PTK2B: variants seen among roughly 807,000 people sequenced by gnomAD.
The protein encoded by PTK2B is protein tyrosine kinase 2 beta, also known as protein-tyrosine kinase 2-beta.
A neutral mutation model predicts 142.9 loss-of-function variants in PTK2B; 71 were observed. That is an observed-to-expected ratio of 0.50 (90% CI 0.41 to 0.61). PTK2B has a LOEUF of 0.61. PTK2B is among the 20% of genes least tolerant of loss of function. The pLI is 0.00. For missense variants in PTK2B, 1,105 were observed against 1,320.4 expected (o/e 0.84, Z 2.53); for synonymous variants, 519 against 503.4 (o/e 1.03, Z -0.42).
intron 1 of PTK2B, among the ~76,000 whole-genome samples, chr8:27,350,204 G>A (rs867691546): frequency 6.6e-6 from 1 of 152,202 alleles, no homozygotes; most frequent in African/African-American, 2.4e-5. Flanking sequence ...AAAGACAGTG[G>A]AATTTGCAAA....
At chr8:27,431,107 C>T in intron 8 of PTK2B, 91 bp downstream of exon 8, 7 of 1,528,626 alleles carry the variant, frequency 4.6e-6, no homozygotes, top group South Asian at 1.2e-5. Flanking sequence ...AGGCTGCAAT[C>T]GCTGCAGATT....
At chr8:27,374,946 T>C (rs2130990514) in intron 1 of PTK2B, among the ~76,000 whole-genome samples, 1 of 152,292 alleles carries the variant, frequency 6.6e-6, no homozygotes, top group Non-Finnish European at 1.5e-5. Context: ...TCTAATAGCA[T>C]AGTGAGCTGG....
At chr8:27,311,014 G>A (rs753776869), upstream of PTK2B, 8 of 1,610,156 alleles carry the variant, frequency 5.0e-6, no homozygotes, top group Middle Eastern at 1.7e-4. Context: ...GGTTGTTGAG[G>A]GTGTGGTTGG....
At chr8:27,373,847 C>G (rs1490548779) in intron 1 of PTK2B, among the ~76,000 whole-genome samples, 1 of 151,872 alleles carries the variant, frequency 6.6e-6, no homozygotes, top group Non-Finnish European at 1.5e-5. Context: ...ATGGGATCTT[C>G]TAGAGCCACA....
intron 2 of PTK2B, among the ~76,000 whole-genome samples, chr8:27,404,041 A>T (rs1206129080): frequency 3.3e-5 from 2 of 60,842 alleles, no homozygotes; most frequent in African/African-American, 5.4e-5. Flanking sequence ...TCTCATCCCC[A>T]GTTTCTATAC....
chr8:27,328,579 C>T (rs1803554430), intron 1 of PTK2B, among the ~76,000 whole-genome samples: 1 of 152,156 alleles, frequency 6.6e-6, no homozygotes, highest in African/African-American at 2.4e-5. Context: ...ATTGTTTGCC[C>T]AGGTGGTGTT....
At chr8:27,420,542 G>A in intron 3 of PTK2B, 115 bp from the exon 4 acceptor site, 1 of 973,124 alleles carries the variant, frequency 1.0e-6, no homozygotes, top group Non-Finnish European at 1.6e-6. Context: ...CGAGACTCAT[G>A]GGCAGCCCTT....
intron 1 of PTK2B, among the ~76,000 whole-genome samples, chr8:27,333,709 A>G (rs1446992882): frequency 2.0e-5 from 3 of 151,890 alleles, no homozygotes; most frequent in Non-Finnish European, 4.4e-5. Context: ...CCCCTCTGCT[A>G]GGAGTGTGTT....
At chr8:27,372,010 G>A (rs964750598) in intron 1 of PTK2B, among the ~76,000 whole-genome samples, 8 of 152,198 alleles carry the variant, frequency 5.3e-5, no homozygotes, top group African/African-American at 1.9e-4. Flanking sequence ...AGGGGAACAG[G>A]GTGTTATGTG....
intron 1 of PTK2B, among the ~76,000 whole-genome samples, chr8:27,352,868 G>A (rs1252948374): frequency 1.3e-5 from 2 of 152,136 alleles, no homozygotes; most frequent in Non-Finnish European, 2.9e-5. Flanking sequence ...CCTTTCTTTT[G>A]TAAATTGCCC....
At chr8:27,378,599 A>G (rs535955002) in intron 1 of PTK2B, among the ~76,000 whole-genome samples, 4 of 123,650 alleles carry the variant, frequency 3.2e-5, no homozygotes, top group South Asian at 2.8e-4. Flanking sequence ...CTTACAGCTT[A>G]TCTGTGTGTG....
intron 1 of PTK2B, among the ~76,000 whole-genome samples, chr8:27,347,692 C>A (rs899464601): frequency 6.6e-6 from 1 of 152,098 alleles, no homozygotes; most frequent in Admixed American, 6.5e-5. Context: ...CTTTAAAGAC[C>A]CCATCTCTAA....
upstream of PTK2B, among the ~76,000 whole-genome samples, chr8:27,320,980 CTTTTTTTTTTTTTTTTT>C (rs776395346): frequency 1.5e-4 from 6 of 39,398 alleles, no homozygotes; most frequent in African/African-American, 4.1e-4. Context: ...ATACAAAAGG[CTTTTTTTTTTTTTTTTT>C]TTTTTTTTTT....
At chr8:27,364,056 C>A (rs1334709135) in intron 1 of PTK2B, among the ~76,000 whole-genome samples, 1 of 152,194 alleles carries the variant, frequency 6.6e-6, no homozygotes, top group African/African-American at 2.4e-5. Flanking sequence ...GGCAAGGAGT[C>A]CTCACAACAG....
chr8:27,396,706 T>C (rs1333940993), intron 1 of PTK2B, among the ~76,000 whole-genome samples: 1 of 152,216 alleles, frequency 6.6e-6, no homozygotes, highest in African/African-American at 2.4e-5. Context: ...CCTACTCTAC[T>C]GAGTTGTATT....
upstream of PTK2B, among the ~76,000 whole-genome samples, chr8:27,325,035 C>G (rs1174792111): frequency 6.6e-6 from 1 of 152,150 alleles, no homozygotes; most frequent in Non-Finnish European, 1.5e-5. Context: ...GGACCTGGAC[C>G]GGTTCTGCCA....
At chr8:27,384,638 C>T (rs1807229259) in intron 1 of PTK2B, among the ~76,000 whole-genome samples, 1 of 152,098 alleles carries the variant, frequency 6.6e-6, no homozygotes, top group Admixed American at 6.6e-5. Flanking sequence ...CTATAATAAT[C>T]AACTTGCTAT....
intron 1 of PTK2B, among the ~76,000 whole-genome samples, chr8:27,360,228 A>C (rs1805619272): frequency 6.6e-6 from 1 of 152,202 alleles, no homozygotes; most frequent in Non-Finnish European, 1.5e-5. Flanking sequence ...AGTCAACTAG[A>C]ATCTAGGTCT....
chr8:27,438,752 G>A (rs985214088), intron 18 of PTK2B, among the ~76,000 whole-genome samples: 5 of 152,180 alleles, frequency 3.3e-5, no homozygotes, highest in Admixed American at 6.5e-5. Flanking sequence ...GGATGAAGGG[G>A]TGATGGGAGA....
Sources: gnomAD v4.1 joint callset for allele counts (sites outside exome capture counted in the v4.1 genomes callset) on GRCh38, gnomAD v4.1.1 for gene constraint, MANE v1.5 for transcripts, NCBI Gene and HGNC (gene_info 2026-07-23, HGNC 2026-07-21) for gene names.